NPAS2: variants seen among roughly 807,000 people sequenced by gnomAD.
The protein encoded by NPAS2 is neuronal PAS domain-containing protein 2.
Under a neutral mutation model 107.5 loss-of-function variants are expected in NPAS2, and 23 were observed. The observed-to-expected ratio is 0.21, with a 90% CI of 0.15 to 0.30. The LOEUF (loss-of-function observed/expected upper bound fraction) is 0.30, where lower values mean the gene tolerates loss of function less well. NPAS2 is among the 10% of genes least tolerant of loss of function. The pLI is 1.00. For missense variants in NPAS2, 756 were observed against 1,043.3 expected, an observed-to-expected ratio of 0.72 and a Z score of 3.79; for synonymous variants, 403 against 417.5, an observed-to-expected ratio of 0.97 and a Z score of 0.42.
chr2:100,910,411 A>C lies in NPAS2; in HGVS notation c.32+5625A>C, dbSNP rs372372609. On this transcript the variant is annotated intron_variant, in intron 2 of 20. Transcript: ENST00000335681. ...GCCTCAGCTGCTCTCAGTCACCCCCAGACGCTTTGCTAAGTCTCTGCAATA... is the reference window on the plus strand; with the variant it reads ...GCCTCAGCTGCTCTCAGTCACCCCCCGACGCTTTGCTAAGTCTCTGCAATA... Among the ~76,000 whole-genome samples, 520 of 152,258 alleles carry C rather than the reference A, an allele frequency of 3.4e-3. 2 individuals carry two copies. The highest frequency in any genetic ancestry group is 0.012 in the African/African-American group (492 of 41,548).
intron 1 of NPAS2, among the ~76,000 whole-genome samples, chr2:100,877,033 G>A (rs373872983): frequency 5.3e-5 from 8 of 152,156 alleles, no homozygotes; most frequent in African/African-American, 1.4e-4. Flanking sequence ...CACCCTCCTC[G>A]GGGCCCTCTC....
intron 2 of NPAS2, among the ~76,000 whole-genome samples, chr2:100,916,463 A>G (rs1218616348): frequency 1.3e-5 from 2 of 152,222 alleles, no homozygotes; most frequent in African/African-American, 4.8e-5. Context: ...TTCTATTAAT[A>G]TCAAATGAAA....
chr2:100,846,979 C>T (rs1677815209), intron 1 of NPAS2: 1 of 151,664 alleles, frequency 6.6e-6, no homozygotes, highest in African/African-American at 2.4e-5. Context: ...CTTAGTTTCT[C>T]TCTTGTGTCT....
chr2:100,959,573 G>A (rs978993403), intron 7 of NPAS2, among the ~76,000 whole-genome samples: 38 of 152,196 alleles, frequency 2.5e-4, no homozygotes, highest in Admixed American at 2.2e-3. Flanking sequence ...TCATGAATGT[G>A]CAGAAAGTTA....
At chr2:100,873,299 TATATATATACACACAC>T (rs1251640628) in intron 1 of NPAS2, among the ~76,000 whole-genome samples, 70 of 44,968 alleles carry the variant, frequency 1.6e-3, no homozygotes, top group Non-Finnish European at 2.1e-3. Flanking sequence ...TATATATATA[TATATATATACACACAC>T]ACACACACAC....
intron 1 of NPAS2, among the ~76,000 whole-genome samples, chr2:100,903,662 A>G (rs1681942194): frequency 6.6e-6 from 1 of 152,200 alleles, no homozygotes. Context: ...GCGGGTGGGC[A>G]GTGGTGATTC....
At chr2:100,884,972 G>A (rs1430841614) in intron 1 of NPAS2, among the ~76,000 whole-genome samples, 4 of 149,004 alleles carry the variant, frequency 2.7e-5, no homozygotes, top group Non-Finnish European at 5.9e-5. Context: ...TTTTTGAGAC[G>A]GAGTCTCACT....
At chr2:100,951,916 G>A (rs999573978) in intron 7 of NPAS2, among the ~76,000 whole-genome samples, 13 of 152,066 alleles carry the variant, frequency 8.5e-5, no homozygotes, top group African/African-American at 3.1e-4. Context: ...TTGGGAGGCC[G>A]AGGCGGGCGG....
intron 2 of NPAS2, among the ~76,000 whole-genome samples, chr2:100,908,297 T>A (rs1682299588): frequency 6.6e-6 from 1 of 152,064 alleles, no homozygotes; most frequent in Non-Finnish European, 1.5e-5. Context: ...TAGGGAAAGC[T>A]AAAATTTGCA....
chr2:100,986,750 C>T (rs1677803232), intron 16 of NPAS2: 1 of 152,180 alleles, frequency 6.6e-6, no homozygotes, highest in African/African-American at 2.4e-5. Context: ...AAGAGCAATG[C>T]TCTAACTAGA....
intron 15 of NPAS2, among the ~76,000 whole-genome samples, chr2:100,978,189 T>C (rs1389644173): frequency 1.3e-5 from 2 of 152,160 alleles, no homozygotes; most frequent in Non-Finnish European, 2.9e-5. Flanking sequence ...CCAAAGTCCA[T>C]CATTTCATTC....
chr2:100,826,637 C>G lies in NPAS2; in HGVS notation c.-23+6223C>G, dbSNP rs541894831. 3.9e-4 allele frequency among the ~76,000 whole-genome samples: 59 copies of G among 152,190 alleles called. 1 individual carries two copies. The highest frequency in any genetic ancestry group is 1.4e-3 in the African/African-American group (58 of 41,506). Reference sequence around the variant, plus strand: ...ATTAATAAATAATCTATTGAGTTGACTGTTACAGTTTTTGTATTAACTTCC... The same window carrying G: ...ATTAATAAATAATCTATTGAGTTGAGTGTTACAGTTTTTGTATTAACTTCC... On this transcript the variant is annotated intron_variant, in intron 1 of 20. Transcript: ENST00000335681.
intron 5 of NPAS2, among the ~76,000 whole-genome samples, chr2:100,939,380 G>A (rs1490731848): frequency 1.3e-5 from 2 of 152,106 alleles, no homozygotes; most frequent in East Asian, 1.9e-4. Context: ...GAGCTGGGGG[G>A]CTCTCTCCTC....
At chr2:100,856,200 C>T (rs1434368453) in intron 1 of NPAS2, among the ~76,000 whole-genome samples, 1 of 152,252 alleles carries the variant, frequency 6.6e-6, no homozygotes, top group Non-Finnish European at 1.5e-5. Flanking sequence ...TGGCATGTAA[C>T]TGCCCAGTAA....
chr2:100,826,872 T>G (rs1420150703), intron 1 of NPAS2, among the ~76,000 whole-genome samples: 2 of 152,234 alleles, frequency 1.3e-5, no homozygotes, highest in African/African-American at 2.4e-5. Flanking sequence ...CTTTTAAATC[T>G]TTTTTGTGCA....
intron 1 of NPAS2, 81 bp from the exon 2 acceptor site, chr2:100,904,652 C>A: frequency 9.3e-7 from 1 of 1,074,280 alleles, no homozygotes. Flanking sequence ...AAAATGACAA[C>A]AACCTGAAAG....
intron 2 of NPAS2, among the ~76,000 whole-genome samples, chr2:100,914,016 C>T (rs1275662999): frequency 6.6e-6 from 1 of 152,188 alleles, no homozygotes; most frequent in Non-Finnish European, 1.5e-5. Flanking sequence ...GTCTTGCACA[C>T]TAAGTGTGCA....
At chr2:100,891,619 T>G (rs1245726310) in intron 1 of NPAS2, among the ~76,000 whole-genome samples, 3 of 152,248 alleles carry the variant, frequency 2.0e-5, no homozygotes, top group Non-Finnish European at 2.9e-5. Flanking sequence ...GCAAGAGCAC[T>G]GAGGACATTT....
At chr2:100,865,006 G>C (rs1310807743) in intron 1 of NPAS2, among the ~76,000 whole-genome samples, 1 of 152,202 alleles carries the variant, frequency 6.6e-6, no homozygotes, top group Non-Finnish European at 1.5e-5. Context: ...TCAATGTCCA[G>C]CTTCACAGAA....
Sources: allele counts gnomAD v4.1 joint callset (sites outside exome capture counted in the v4.1 genomes callset), GRCh38; gene constraint gnomAD v4.1.1; transcripts MANE v1.5; gene names NCBI Gene and HGNC (gene_info 2026-07-23, HGNC 2026-07-21).